Variants in SPAG16 observed in about 807,000 individuals in gnomAD.
SPAG16 encodes sperm associated antigen 16.
Under a neutral mutation model 80.4 loss-of-function variants are expected in SPAG16, and 86 were observed. That is an observed-to-expected ratio of 1.07 (90% CI 0.90 to 1.28). The LOEUF (loss-of-function observed/expected upper bound fraction) is 1.28. SPAG16 is among the 50% of genes most tolerant of loss of function. The probability of loss-of-function intolerance (pLI) is 0.00; values close to 1 mark genes in which losing one functional copy is unlikely to be tolerated. For synonymous variants in SPAG16, 294 were observed against 265.9 expected, an observed-to-expected ratio of 1.11 and a Z score of -1.03; for missense variants, 870 against 765.3, an observed-to-expected ratio of 1.14 and a Z score of -1.61.
intron 4 of SPAG16, among the ~76,000 whole-genome samples, chr2:213,316,451 AAT>A (rs2063404239): frequency 1.3e-5 from 2 of 152,040 alleles, no homozygotes; most frequent in African/African-American, 4.8e-5. Flanking sequence ...TTGCTAGACT[AAT>A]CCCTTTAAAA....
chr2:213,313,297 CAT>C (rs1323644926), intron 4 of SPAG16, among the ~76,000 whole-genome samples: 8 of 151,832 alleles, frequency 5.3e-5, no homozygotes, highest in African/African-American at 1.2e-4. Context: ...AAATTAATAA[CAT>C]GTTTATTAAA....
intron 12 of SPAG16, among the ~76,000 whole-genome samples, chr2:213,951,785 C>T (rs1203505887): frequency 6.6e-6 from 1 of 152,064 alleles, no homozygotes; most frequent in East Asian, 1.9e-4. Context: ...GTCACACATT[C>T]ATATTTAAGC....
intron 10 of SPAG16, among the ~76,000 whole-genome samples, chr2:213,647,531 C>G (rs971128392): frequency 6.6e-6 from 1 of 150,698 alleles, no homozygotes; most frequent in Non-Finnish European, 1.5e-5. Context: ...CTGCTCCATT[C>G]GGTCTTTGTT....
Position 214,024,593 on chromosome 2 carries a change from T to C in SPAG16, c.1527+10516T>C, listed in dbSNP as rs72935907. Among the ~76,000 whole-genome samples, 1,360 of 151,700 alleles carry C rather than the reference T, an allele frequency of 9.0e-3. 10 individuals are homozygous for C. Among genetic ancestry groups the C allele is most frequent in the Middle Eastern group, 0.017 (5 of 292 alleles). ...AAAGTTATATAATACATTCTAAACT[T>C]AAAGATATTTGTTTATTCCTTCTTT... On this transcript the variant is annotated intron_variant, in intron 13 of 15. Coordinates refer to ENST00000331683, the MANE Select transcript of SPAG16 (RefSeq NM_024532.5).
chr2:214,115,022 C>T (rs192733581), intron 14 of SPAG16, among the ~76,000 whole-genome samples: 9 of 152,328 alleles, frequency 5.9e-5, no homozygotes, highest in Admixed American at 5.2e-4. Context: ...ATCAGTATCC[C>T]ACAGCCTCAT....
At chr2:214,077,637 A>G (rs1277821338) in intron 13 of SPAG16, among the ~76,000 whole-genome samples, 3 of 152,198 alleles carry the variant, frequency 2.0e-5, no homozygotes, top group Non-Finnish European at 4.4e-5. Flanking sequence ...TTCTGCCTCA[A>G]TGACCACTTT....
chr2:213,658,836 G>A (rs2063317304), intron 10 of SPAG16, among the ~76,000 whole-genome samples: 1 of 152,156 alleles, frequency 6.6e-6, no homozygotes, highest in Admixed American at 6.5e-5. Context: ...CAGGAGATGA[G>A]ACCATCCTGG....
chr2:213,540,623 T>A (rs1665903916), intron 10 of SPAG16, among the ~76,000 whole-genome samples: 1 of 152,226 alleles, frequency 6.6e-6, no homozygotes, highest in Non-Finnish European at 1.5e-5. Flanking sequence ...TTAGAAGACT[T>A]TAATATTTAA....
intron 10 of SPAG16, among the ~76,000 whole-genome samples, chr2:213,833,641 C>T (rs1390316260): frequency 1.9e-4 from 20 of 102,700 alleles, no homozygotes; most frequent in Non-Finnish European, 3.0e-4. Context: ...ATTTTATGTG[C>T]TCCTGTTGCA....
intron 15 of SPAG16, among the ~76,000 whole-genome samples, chr2:214,217,742 G>A (rs943253841): frequency 2.6e-5 from 4 of 152,216 alleles, no homozygotes; most frequent in Non-Finnish European, 5.9e-5. Flanking sequence ...GATGGTGAGA[G>A]CAGCTTTATA....
chr2:213,310,216 T>G (rs1474019749), intron 4 of SPAG16, 39 bp downstream of exon 4: 5 of 1,344,398 alleles, frequency 3.7e-6, no homozygotes, highest in Non-Finnish European at 5.3e-6. Flanking sequence ...CTTAAAATTC[T>G]AACATTTAAC....
rs188435690 is a variant in SPAG16, at chr2:213,767,288, C to A, written c.1071-95197C>A. ...TATCACTGAATATTTAATACATACC[C>A]ATACCACGCAGTAGGGTATCATGTA... On this transcript the variant is annotated intron_variant, in intron 10 of 15. Coordinates refer to ENST00000331683, the MANE Select transcript of SPAG16 (RefSeq NM_024532.5). Among the ~76,000 whole-genome samples, 444 of 152,238 alleles carry A rather than the reference C, an allele frequency of 2.9e-3. 7 individuals are homozygous for A. In the South Asian group the frequency reaches 0.034, roughly 12 times the overall value.
At chr2:213,998,002 T>C (rs1436168920) in intron 12 of SPAG16, among the ~76,000 whole-genome samples, 2 of 152,236 alleles carry the variant, frequency 1.3e-5, no homozygotes, top group Non-Finnish European at 2.9e-5. Flanking sequence ...TTCAGTTAAC[T>C]AAATTATACT....
chr2:213,967,879 T>C lies in SPAG16; in HGVS notation c.1400+37734T>C, dbSNP rs114266860. 1.6e-3 allele frequency among the ~76,000 whole-genome samples: 238 copies of C among 152,332 alleles called. 1 individual carries two copies. The highest frequency in any genetic ancestry group is 5.5e-3 in the African/African-American group (229 of 41,572). The stretch of plus-strand genomic sequence containing the variant: ...TGGGACTTGAAGAACCATAGCACTA[T>C]TTTAAATGATAATGCTGGTTTATAG... On this transcript the variant is annotated intron_variant, in intron 12 of 15. Transcript: ENST00000331683.
chr2:213,547,244 A>G (rs2076641445), intron 10 of SPAG16, among the ~76,000 whole-genome samples: 1 of 152,140 alleles, frequency 6.6e-6, no homozygotes, highest in Non-Finnish European at 1.5e-5. Context: ...TTGAAATAAT[A>G]TAATAGAAAA....
At chr2:214,070,190 T>G (rs539318983) in intron 13 of SPAG16, among the ~76,000 whole-genome samples, 1 of 152,060 alleles carries the variant, frequency 6.6e-6, no homozygotes, top group Admixed American at 6.6e-5. Flanking sequence ...TTAATTTTTA[T>G]ACTTGTAATG....
intron 15 of SPAG16, among the ~76,000 whole-genome samples, chr2:214,211,859 A>G (rs552396564): frequency 1.3e-5 from 2 of 151,970 alleles, no homozygotes; most frequent in Admixed American, 1.3e-4. Context: ...CTTTCCTTAT[A>G]CCCTACATTC....
intron 10 of SPAG16, among the ~76,000 whole-genome samples, chr2:213,669,703 T>C (rs993084753): frequency 6.6e-6 from 1 of 152,156 alleles, no homozygotes; most frequent in Non-Finnish European, 1.5e-5. Context: ...TAATGAGAAG[T>C]GTTCTGTTGG....
chr2:214,272,758 G>A (rs1005254493), intron 15 of SPAG16, among the ~76,000 whole-genome samples: 4 of 152,172 alleles, frequency 2.6e-5, no homozygotes, highest in African/African-American at 9.7e-5. Flanking sequence ...ACATACGTGT[G>A]CATGTGTCTT....
Sources: allele counts gnomAD v4.1 joint callset (sites outside exome capture counted in the v4.1 genomes callset), GRCh38; gene constraint gnomAD v4.1.1; transcripts MANE v1.5; gene names NCBI Gene and HGNC (gene_info 2026-07-23, HGNC 2026-07-21).